LIMS2: variants seen among roughly 807,000 people sequenced by gnomAD.
LIMS2 encodes LIM and senescent cell antigen-like-containing domain protein 2.
Under a neutral mutation model 45.3 loss-of-function variants are expected in LIMS2, and 30 were observed. That is an observed-to-expected ratio of 0.66 (90% CI 0.50 to 0.90). The LOEUF is 0.90. Among genes scored for constraint, LIMS2 ranks in the 40% least tolerant of loss-of-function variants. The pLI, the probability that LIMS2 is intolerant of heterozygous loss-of-function variation, is 0.00. For synonymous variants in LIMS2, 173 were observed against 188.0 expected (o/e 0.92, Z 0.65); for missense variants, 485 against 468.7 (o/e 1.03, Z -0.32).
chr2:127,674,181 G>C (rs374226674), intron 1 of LIMS2: 2 of 161,282 alleles, frequency 1.2e-5, no homozygotes, highest in Non-Finnish European at 1.4e-5. Context: ...GTCACTCTCC[G>C]GGCTGGGGCT....
chr2:127,671,432 CAA>C lies in LIMS2; in HGVS notation c.11+3580_11+3581del, dbSNP rs1292217178. The stretch of plus-strand genomic sequence containing the variant: ...TGGGTGACAGAGCGAGACTCCATCT[CAA>C]AAAAAAAAAAAAGAGCCTGCATGCG... On this transcript the variant is annotated intron_variant, in intron 1 of 9. Coordinates refer to ENST00000355119, the MANE Select transcript of LIMS2 (RefSeq NM_001161403.3). This position sits in a 1 kb window ranked among gnomAD's most constrained non-coding sequence, Gnocchi z 4.1. Among the ~76,000 whole-genome samples, 14 of 112,924 alleles carry C rather than the reference CAA, an allele frequency of 1.2e-4. No homozygotes were observed. The highest frequency in any genetic ancestry group is 6.5e-5 in the African/African-American group (2 of 31,004). The allele number at this position is 112,924 out of a possible 152,430, so 74.1% of individuals were successfully genotyped here.
chr2:127,651,062 C>G, intron 4 of LIMS2: 1 of 1,613,774 alleles, frequency 6.2e-7, no homozygotes, highest in Non-Finnish European at 8.5e-7. Flanking sequence ...TCACCGGCTT[C>G]CTCTTCTACC....
At chr2:127,645,311 C>G (rs1197259311) in intron 4 of LIMS2, among the ~76,000 whole-genome samples, 1 of 152,198 alleles carries the variant, frequency 6.6e-6, no homozygotes, top group Non-Finnish European at 1.5e-5. Context: ...GTTTAAACAA[C>G]AAAATGTAAA....
intron 1 of LIMS2, 51 bp from the exon 2 acceptor site, chr2:127,657,613 TG>T: frequency 1.9e-6 from 3 of 1,538,488 alleles, no homozygotes; most frequent in Non-Finnish European, 2.6e-6. Flanking sequence ...GGGGTGCAGA[TG>T]GGGCACACGC....
rs1682336463 is a variant in LIMS2, at chr2:127,640,871, C to T, written c.753+25G>A. ...CTGGCCACCCCTCCAGACCCGCATC[C>T]CTGAAGGTTCTGCACCGGGCTCACC... On this transcript the variant is annotated intron_variant, in intron 7 of 9. Coordinates refer to ENST00000355119, the MANE Select transcript of LIMS2 (RefSeq NM_001161403.3). The T allele has an allele frequency of 1.9e-6, 3 of 1,604,480 alleles. No homozygotes were observed. In the Admixed American group the frequency reaches 5.0e-5, roughly 27 times the overall value.
chr2:127,640,426 C>A (rs551184475), intron 7 of LIMS2, 108 bp from the exon 8 acceptor site: 2 of 1,205,800 alleles, frequency 1.7e-6, no homozygotes, highest in Non-Finnish European at 1.2e-6. Flanking sequence ...AGGCATCTCC[C>A]AGGCCCTGCC....
At chr2:127,681,162 G>A (rs1346314313) in intron 1 of LIMS2, among the ~76,000 whole-genome samples, 1 of 152,124 alleles carries the variant, frequency 6.6e-6, no homozygotes, top group East Asian at 1.9e-4. Context: ...CCGTCCCCAT[G>A]CCGCCTGACG....
At chr2:127,649,269 CAGAGCCA>C (rs1417702686) in intron 4 of LIMS2, among the ~76,000 whole-genome samples, 1 of 152,066 alleles carries the variant, frequency 6.6e-6, no homozygotes, top group African/African-American at 2.4e-5. Context: ...CTGTTCGGTG[CAGAGCCA>C]GGCTCGCCCA....
chr2:127,657,410 AAG>A lies in LIMS2; in HGVS notation c.162_163del (p.Phe55LeufsTer2). ...CCTCAGTAGTGTCCTCACCTCATAGAAGAGCCCCTCGGGGAAGGGCCGGAAGC... is the reference window on the plus strand; with the variant it reads ...CCTCAGTAGTGTCCTCACCTCATAGAAGCCCCTCGGGGAAGGGCCGGAAGC... On this transcript the variant is annotated frameshift_variant, in exon 2 of 10. Coordinates refer to ENST00000355119, the MANE Select transcript of LIMS2 (RefSeq NM_001161403.3). LOFTEE classifies it high-confidence loss of function. 1 of 1,613,830 alleles carries A rather than the reference AAG, an allele frequency of 6.2e-7. No individual in the cohort carries two copies. Among genetic ancestry groups the A allele is most frequent in the Non-Finnish European group, 8.5e-7 (1 of 1,179,990 alleles).
chr2:127,658,529 C>A (rs553346969), intron 1 of LIMS2, among the ~76,000 whole-genome samples: 1 of 152,178 alleles, frequency 6.6e-6, no homozygotes, highest in Non-Finnish European at 1.5e-5. Flanking sequence ...GGGTGAAATG[C>A]GAACTACAGG....
At chr2:127,649,810 G>A (rs1011804558) in intron 4 of LIMS2, 24 of 570,240 alleles carry the variant, frequency 4.2e-5, no homozygotes, top group Non-Finnish European at 7.5e-5. Context: ...CAAGCCACGA[G>A]GCCTCCAGGC....
intron 4 of LIMS2, chr2:127,651,813 G>A: frequency 2.6e-6 from 4 of 1,516,088 alleles, no homozygotes; most frequent in Non-Finnish European, 2.7e-6. Flanking sequence ...GACCCAGCAA[G>A]AGGCATCTGC....
intron 1 of LIMS2, among the ~76,000 whole-genome samples, chr2:127,670,259 A>C (rs190182112): frequency 3.3e-5 from 5 of 152,254 alleles, no homozygotes; most frequent in Non-Finnish European, 7.3e-5. Context: ...AGGAAGAAAC[A>C]AACTATGGCA....
rs762526323 is a variant in LIMS2 at position 127,654,432 on chromosome 2, ATTC to A, written c.348_350del (p.Lys116del). ...CAACACGGCCACCTCACCTGCCGGC[ATTC>A]TTCACAAAGCCCAGGTCAGCCAGCT... On this transcript the variant is annotated inframe_deletion, in exon 4 of 10. Coordinates refer to ENST00000355119, the MANE Select transcript of LIMS2 (RefSeq NM_001161403.3). The A allele has an allele frequency of 7.2e-5, 117 of 1,614,080 alleles. No individual in the cohort carries two copies. In the Middle Eastern group the frequency reaches 1.2e-3, roughly 16 times the overall value.
Position 127,657,532 on chromosome 2 carries a change from C to A in LIMS2, c.42G>T (p.Val14=). The change falls in exon 2 of 10, where the codon GTG becomes GTT. Residue 14 remains valine (V), a synonymous_variant. Transcript: ENST00000355119. ...AGAAGCGGGCCTGGCAGCGCTGGCA[C>A]ACGGCGTTGGCCAAGGCGTCCGACA... ...SNMSDALANA[V]CQRCQARFSP... 6.2e-7 allele frequency: 1 copy of A among 1,610,166 alleles called. No individual in the cohort carries two copies.
At chr2:127,676,316 T>C (rs1300596840), upstream of LIMS2, among the ~76,000 whole-genome samples, 4 of 152,016 alleles carry the variant, frequency 2.6e-5, no homozygotes, top group African/African-American at 9.7e-5. Flanking sequence ...GATGAGTTGA[T>C]AGTATCCTGC....
At chr2:127,645,257 G>A (rs1465185375) in intron 4 of LIMS2, among the ~76,000 whole-genome samples, 1 of 152,196 alleles carries the variant, frequency 6.6e-6, no homozygotes, top group East Asian at 1.9e-4. Context: ...ACAAATTTAA[G>A]ACACTGCCCC....
intron 4 of LIMS2, chr2:127,651,514 T>C: frequency 1.2e-6 from 2 of 1,612,772 alleles, no homozygotes; most frequent in Non-Finnish European, 1.7e-6. Context: ...GTCTACGTGC[T>C]GCACTACCGC....
intron 1 of LIMS2, chr2:127,674,595 C>G (rs1685421027): frequency 6.1e-6 from 6 of 978,914 alleles, no homozygotes; most frequent in Non-Finnish European, 7.3e-6. Flanking sequence ...GAGGAGGAAA[C>G]GGAAGGCTCC....
Sources: gnomAD v4.1 joint callset for allele counts (sites outside exome capture counted in the v4.1 genomes callset) on GRCh38, gnomAD v4.1.1 for gene constraint, Gnocchi (gnomAD v3.1) non-coding constraint, MANE v1.5 for transcripts, NCBI Gene and HGNC (gene_info 2026-07-23, HGNC 2026-07-21) for gene names.